AKAP13: variants seen among roughly 807,000 people sequenced by gnomAD.
AKAP13 encodes the protein A-kinase anchor protein 13.
In AKAP13, 80 loss-of-function variants were observed where a neutral mutation model predicts 264.5. The ratio of observed to expected loss-of-function variants is 0.30; its 90% CI spans 0.25 to 0.36. The LOEUF is 0.36. Ranked by LOEUF, AKAP13 falls within the 10% of genes least tolerant of loss-of-function variation. The pLI, the probability that AKAP13 is intolerant of heterozygous loss-of-function variation, is 1.00. For missense variants in AKAP13, 3,712 were observed against 3,435.2 expected (o/e 1.08, Z -2.01); for synonymous variants, 1,380 against 1,250.2 (o/e 1.10, Z -2.19).
intron 1 of AKAP13, among the ~76,000 whole-genome samples, chr15:85,476,584 A>G (rs1225688329): frequency 1.3e-5 from 2 of 152,252 alleles, no homozygotes; most frequent in African/African-American, 2.4e-5. Flanking sequence ...CTCATTTTAC[A>G]GATGAGGAAA....
intron 2 of AKAP13, among the ~76,000 whole-genome samples, chr15:85,510,314 T>C (rs2076376171): frequency 6.6e-6 from 1 of 152,186 alleles, no homozygotes; most frequent in African/African-American, 2.4e-5. Flanking sequence ...GTCATATTCT[T>C]CAAGGTAGAG....
chr15:85,590,553 T>C (rs1183705127), intron 8 of AKAP13, among the ~76,000 whole-genome samples: 1 of 152,246 alleles, frequency 6.6e-6, no homozygotes, highest in African/African-American at 2.4e-5. Context: ...TGCATTCGTT[T>C]ACTTATATTC....
chr15:85,647,115 T>G (rs1354915015), intron 10 of AKAP13, among the ~76,000 whole-genome samples: 4 of 152,116 alleles, frequency 2.6e-5, no homozygotes, highest in African/African-American at 9.7e-5. Context: ...GTTACAAGAA[T>G]AGGCCGGGTG....
intron 4 of AKAP13, among the ~76,000 whole-genome samples, chr15:85,537,850 T>C (rs575765018): frequency 7.9e-5 from 12 of 152,246 alleles, no homozygotes; most frequent in Non-Finnish European, 1.6e-4. Context: ...AAAACATTGA[T>C]GTTTTACTTG....
intron 1 of AKAP13, among the ~76,000 whole-genome samples, chr15:85,459,635 G>C (rs1460525653): frequency 6.6e-6 from 1 of 151,640 alleles, no homozygotes; most frequent in Non-Finnish European, 1.5e-5. Flanking sequence ...GAGTAGCTGG[G>C]ATTGCAGGTG....
At chr15:85,687,309 G>A (rs890965980) in intron 16 of AKAP13, among the ~76,000 whole-genome samples, 2 of 152,152 alleles carry the variant, frequency 1.3e-5, no homozygotes, top group East Asian at 1.9e-4. Flanking sequence ...ACTATACAGC[G>A]TAATTTTTTT....
At chr15:85,667,367 G>A (rs2467097) in intron 13 of AKAP13, among the ~76,000 whole-genome samples, 128,234 of 152,142 alleles carry the variant, frequency 0.84, 54,133 homozygotes, top group East Asian at 0.91. Context: ...TACTTCAGAA[G>A]GAGTTAGAAA....
At chr15:85,577,704 G>A in intron 6 of AKAP13, 1 of 692,326 alleles carries the variant, frequency 1.4e-6, no homozygotes. Flanking sequence ...TACTCTGACA[G>A]TATATAGGTA....
rs180760506 is a variant in AKAP13 at position 85,426,798 on chromosome 15, T to C, written c.-12+46000T>C. ...AAAGACAGTGCAGTGCAATGTATTT[T>C]CTGATGATATCCTTTCCTTCATAAA... On this transcript the variant is annotated intron_variant, in intron 1 of 36. Transcript: ENST00000394518. 1.8e-4 allele frequency among the ~76,000 whole-genome samples: 28 copies of C among 152,316 alleles called. No individual in the cohort carries two copies. In the East Asian group the frequency reaches 4.8e-3, roughly 26 times the overall value.
At chr15:85,416,957 T>G (rs1221555571) in intron 1 of AKAP13, among the ~76,000 whole-genome samples, 1 of 152,240 alleles carries the variant, frequency 6.6e-6, no homozygotes, top group Non-Finnish European at 1.5e-5. Context: ...TGGAGTTTGA[T>G]ATATTAGAGT....
intron 8 of AKAP13, among the ~76,000 whole-genome samples, chr15:85,633,853 T>C (rs59543796): frequency 5.3e-5 from 8 of 151,712 alleles, no homozygotes; most frequent in South Asian, 2.1e-4. Context: ...CTTTTTTTTT[T>C]AAAAAGGAAA....
At chr15:85,463,258 GA>G (rs1596260275) in intron 1 of AKAP13, among the ~76,000 whole-genome samples, 1 of 152,038 alleles carries the variant, frequency 6.6e-6, no homozygotes, top group African/African-American at 2.4e-5. Context: ...GCATGGGAAA[GA>G]AAAAAATATT....
intron 2 of AKAP13, among the ~76,000 whole-genome samples, chr15:85,504,049 G>T (rs1289719763): frequency 6.6e-6 from 1 of 152,116 alleles, no homozygotes; most frequent in Non-Finnish European, 1.5e-5. Context: ...GAGACTCTGT[G>T]CTTCCCAGTG....
At chr15:85,660,373 AAAAAAAG>A (rs1214843914) in intron 12 of AKAP13, among the ~76,000 whole-genome samples, 13 of 146,524 alleles carry the variant, frequency 8.9e-5, no homozygotes, top group African/African-American at 3.2e-4. Context: ...AAAAAAAAAA[AAAAAAAG>A]CTTTTATGTC....
In AKAP13 at chr15:85,420,131, C is replaced by T. The variant is rs960406964; in HGVS notation, c.-12+39333C>T. 2.8e-4 allele frequency among the ~76,000 whole-genome samples: 42 copies of T among 151,670 alleles called. 1 individual carries two copies. The highest frequency in any genetic ancestry group is 6.6e-4 in the Admixed American group (10 of 15,248). ...TAATTTTTTGTATTTTTAGTAGAGA[C>T]GGGGTTTCACCGCTTTAGCCGGGAT... On this transcript the variant is annotated intron_variant, in intron 1 of 36. Coordinates refer to ENST00000394518, the MANE Select transcript of AKAP13 (RefSeq NM_007200.5).
At chr15:85,422,839 G>T (rs2072585156) in intron 1 of AKAP13, among the ~76,000 whole-genome samples, 1 of 152,214 alleles carries the variant, frequency 6.6e-6, no homozygotes, top group Non-Finnish European at 1.5e-5. Context: ...CAGTATAGAA[G>T]TGACCTATTT....
intron 17 of AKAP13, among the ~76,000 whole-genome samples, chr15:85,706,665 C>T (rs2151685280): frequency 6.6e-6 from 1 of 152,254 alleles, no homozygotes; most frequent in Non-Finnish European, 1.5e-5. Flanking sequence ...TTTAAATAGG[C>T]ATAGTAGGGC....
rs74024878 is a variant in AKAP13, at chr15:85,463,250, A to G, written c.-11-22460A>G. ...ATTGGAGTTCTAAAAAGAAGGGAGCATGGGAAAGAAAAAAATATTTGAACA... is the reference window on the plus strand; with the variant it reads ...ATTGGAGTTCTAAAAAGAAGGGAGCGTGGGAAAGAAAAAAATATTTGAACA... On this transcript the variant is annotated intron_variant, in intron 1 of 36. Transcript: ENST00000394518. Among the ~76,000 whole-genome samples the G allele has an allele frequency of 6.8e-3, 1,035 of 152,304 alleles. 18 individuals are homozygous for G. The highest frequency in any genetic ancestry group is 0.02 in the African/African-American group (842 of 41,550).
At chr15:85,636,139 A>T (rs563062495) in intron 8 of AKAP13, among the ~76,000 whole-genome samples, 1 of 152,250 alleles carries the variant, frequency 6.6e-6, no homozygotes, top group Non-Finnish European at 1.5e-5. Context: ...TATTTTCTTA[A>T]AATTATCCCT....
Sources: allele counts gnomAD v4.1 joint callset (sites outside exome capture counted in the v4.1 genomes callset), GRCh38; gene constraint gnomAD v4.1.1; transcripts MANE v1.5; gene names NCBI Gene and HGNC (gene_info 2026-07-23, HGNC 2026-07-21).